CEP85L: variants seen among roughly 807,000 people sequenced by gnomAD.
CEP85L encodes centrosomal protein 85L.
CEP85L carries 60 observed loss-of-function variants against 100.3 expected under a neutral mutation model. The observed-to-expected ratio is 0.60, with a 90% CI of 0.49 to 0.74. The LOEUF is 0.74. Ranked by LOEUF, CEP85L falls within the 30% of genes least tolerant of loss-of-function variation. The pLI, the probability that CEP85L is intolerant of heterozygous loss-of-function variation, is 0.00. For synonymous variants in CEP85L, 319 were observed against 322.7 expected (o/e 0.99, Z 0.12); for missense variants, 973 against 936.2 (o/e 1.04, Z -0.51).
chr6:118,613,159 C>A (rs1368558264), intron 2 of CEP85L, among the ~76,000 whole-genome samples: 1 of 151,908 alleles, frequency 6.6e-6, no homozygotes, highest in African/African-American at 2.4e-5. Context: ...TGCAGTGAGC[C>A]GAGATCGCGC....
At chr6:118,703,554 A>G (rs1777497628) in intron 1 of CEP85L, among the ~76,000 whole-genome samples, 1 of 152,270 alleles carries the variant, frequency 6.6e-6, no homozygotes, top group African/African-American at 2.4e-5. Flanking sequence ...CCTATTTTAT[A>G]TGCAGAAAAA....
At chr6:118,640,402 A>T (rs1000940618) in intron 1 of CEP85L, among the ~76,000 whole-genome samples, 10 of 152,220 alleles carry the variant, frequency 6.6e-5, no homozygotes, top group Non-Finnish European at 1.3e-4. Context: ...ATTAGCAGTA[A>T]GTCCTCATAA....
intron 5 of CEP85L, among the ~76,000 whole-genome samples, chr6:118,494,077 A>C (rs965279941): frequency 4.6e-5 from 7 of 152,186 alleles, no homozygotes; most frequent in Non-Finnish European, 8.8e-5. Flanking sequence ...CAAAACTGGA[A>C]AAAAAGGATA....
At chr6:118,674,008 A>C (rs1399035661) in intron 1 of CEP85L, among the ~76,000 whole-genome samples, 2 of 152,238 alleles carry the variant, frequency 1.3e-5, no homozygotes, top group Admixed American at 1.3e-4. Flanking sequence ...TGCAAAATTT[A>C]ACACTAAATT....
chr6:118,578,677 C>T (rs991626549), intron 2 of CEP85L, among the ~76,000 whole-genome samples: 6 of 152,030 alleles, frequency 3.9e-5, no homozygotes, highest in African/African-American at 7.3e-5. Context: ...TGCCATGAGC[C>T]GAGACCGCGC....
At chr6:118,647,011 G>T in intron 1 of CEP85L, 13 of 985,278 alleles carry the variant, frequency 1.3e-5, no homozygotes, top group Non-Finnish European at 1.6e-5. Context: ...CATCACTAAA[G>T]TTAAGATTCA....
rs760470076 is a variant in CEP85L at position 118,651,184 on chromosome 6, T to C, written c.73+13A>G. On this transcript the variant is annotated intron_variant, in intron 1 of 12. Coordinates refer to ENST00000368491, the MANE Select transcript of CEP85L (RefSeq NM_001042475.3). ...GACCCCCACCCCAGCCGGGGCGCTGTCCCGTTCCTTACCGGCAGGGAAGCT... is the reference window on the plus strand; with the variant it reads ...GACCCCCACCCCAGCCGGGGCGCTGCCCCGTTCCTTACCGGCAGGGAAGCT... 5 of 1,495,038 alleles carry C rather than the reference T, an allele frequency of 3.3e-6. No homozygotes were observed. Among genetic ancestry groups the C allele is most frequent in the African/African-American group, 1.5e-5 (1 of 68,640 alleles). The allele number at this position is 1,495,038 out of a possible 1,614,324, so 92.6% of individuals were successfully genotyped here. A position where few individuals can be genotyped will look rare whatever the true frequency, so the allele number is the denominator to read the frequency against.
At chr6:118,605,423 T>G (rs911839564) in intron 2 of CEP85L, among the ~76,000 whole-genome samples, 20 of 152,202 alleles carry the variant, frequency 1.3e-4, no homozygotes, top group African/African-American at 4.8e-4. Context: ...TGCCCCTCCC[T>G]AACTACTATT....
intron 1 of CEP85L, among the ~76,000 whole-genome samples, chr6:118,645,622 T>G (rs72958915): frequency 6.6e-6 from 1 of 152,312 alleles, no homozygotes; most frequent in Non-Finnish European, 1.5e-5. Context: ...CAGAGACCTA[T>G]GATTGCACAA....
chr6:118,468,110 G>A (rs1398070383), intron 12 of CEP85L, among the ~76,000 whole-genome samples: 1 of 152,172 alleles, frequency 6.6e-6, no homozygotes, highest in Non-Finnish European at 1.5e-5. Flanking sequence ...ATCCACATTT[G>A]TGTATGTGTA....
At chr6:118,623,426 T>C (rs570519493) in intron 2 of CEP85L, among the ~76,000 whole-genome samples, 160 of 152,318 alleles carry the variant, frequency 1.1e-3, no homozygotes, top group Non-Finnish European at 2.0e-3. Context: ...ATAATTCCTA[T>C]ATTCGGACTT....
intron 1 of CEP85L, among the ~76,000 whole-genome samples, chr6:118,696,931 T>G (rs982111755): frequency 2.0e-5 from 3 of 152,188 alleles, no homozygotes; most frequent in African/African-American, 7.2e-5. Flanking sequence ...ATAAGAAGAC[T>G]AAGGTACTTC....
chr6:118,465,562 T>C lies in CEP85L; in HGVS notation c.2261A>G (p.Asn754Ser). 1 of 1,609,136 alleles carries C rather than the reference T, an allele frequency of 6.2e-7. No homozygotes were observed. The highest frequency in any genetic ancestry group is 1.1e-5 in the South Asian group (1 of 89,958). Residue 754 changes from asparagine (N) to serine (S), a missense_variant, in exon 13 of 13, where the codon AAC becomes AGC. By Grantham distance (46) the Asn-to-Ser change is conservative. Coordinates refer to ENST00000368491, the MANE Select transcript of CEP85L (RefSeq NM_001042475.3). ...LSLLLGIRSM[N>S]CSAEETENDH... ...ATTCTCAGTCTCTTCAGCTGAACAG[T>C]TCATTGCTGTGTAAATAAAACATAG...
intron 10 of CEP85L, among the ~76,000 whole-genome samples, chr6:118,471,043 T>C (rs1772916260): frequency 6.6e-6 from 1 of 152,092 alleles, no homozygotes; most frequent in Admixed American, 6.6e-5. Flanking sequence ...TGCTTACAGT[T>C]AATGAGATGC....
At chr6:118,591,631 G>A (rs577499981) in intron 2 of CEP85L, among the ~76,000 whole-genome samples, 2 of 152,136 alleles carry the variant, frequency 1.3e-5, no homozygotes, top group African/African-American at 4.8e-5. Context: ...GTAACAAAAT[G>A]GGAAACCTCT....
At chr6:118,563,899 T>C (rs1779358183) in intron 3 of CEP85L, among the ~76,000 whole-genome samples, 1 of 152,224 alleles carries the variant, frequency 6.6e-6, no homozygotes, top group South Asian at 2.1e-4. Flanking sequence ...AAGCAGTCAT[T>C]TAATGATTAC....
intron 5 of CEP85L, chr6:118,502,967 T>C: frequency 3.4e-6 from 1 of 292,032 alleles, no homozygotes. Context: ...ATTATGTACA[T>C]ACTTTTCCAT....
intron 2 of CEP85L, among the ~76,000 whole-genome samples, chr6:118,579,758 A>G (rs1030564471): frequency 4.6e-5 from 7 of 152,252 alleles, no homozygotes; most frequent in African/African-American, 7.2e-5. Flanking sequence ...AGAGAAGACA[A>G]GGGGTCCTTG....
chr6:118,619,960 AC>A (rs1187792094), intron 2 of CEP85L, among the ~76,000 whole-genome samples: 6 of 152,136 alleles, frequency 3.9e-5, no homozygotes, highest in African/African-American at 1.4e-4. Flanking sequence ...ACCGCTGTAG[AC>A]CCTCATTGGG....
Sources: gnomAD v4.1 joint callset for allele counts (sites outside exome capture counted in the v4.1 genomes callset) on GRCh38, gnomAD v4.1.1 for gene constraint, MANE v1.5 for transcripts, NCBI Gene and HGNC (gene_info 2026-07-23, HGNC 2026-07-21) for gene names.